Variants in WWOX observed in about 807,000 individuals in gnomAD.
WWOX encodes WW domain-containing oxidoreductase.
Under a neutral mutation model 46.2 loss-of-function variants are expected in WWOX, and 69 were observed. That is an observed-to-expected ratio of 1.49 (90% CI 1.23 to 1.82). WWOX has a LOEUF of 1.82. Among genes scored for constraint, WWOX ranks in the 40% most tolerant of loss-of-function variants. WWOX has a pLI of 0.00. For synonymous variants in WWOX, 359 were observed against 202.6 expected, an observed-to-expected ratio of 1.77 and a Z score of -6.56; for missense variants, 919 against 542.6, an observed-to-expected ratio of 1.69 and a Z score of -6.89.
At chr16:78,118,303 TA>T (rs1014967289) in intron 4 of WWOX, among the ~76,000 whole-genome samples, 3 of 151,956 alleles carry the variant, frequency 2.0e-5, no homozygotes, top group Non-Finnish European at 2.9e-5. Flanking sequence ...TTAATTCATC[TA>T]AAAAAAATCA....
In WWOX at chr16:78,293,978, G is replaced by GAAAAAAAAAAAAA. The variant is rs35079271; in HGVS notation, c.517-92862_517-92850dup. On this transcript the variant is annotated intron_variant, in intron 5 of 8. Coordinates refer to ENST00000566780, the MANE Select transcript of WWOX (RefSeq NM_016373.4). ...GGCGACAGAGTGAGACTCTGTCTCA[G>GAAAAAAAAAAAAA]AAAAAAAAAAAAAAAAAAAAAAAAA... Among the ~76,000 whole-genome samples, 231 of 30,296 alleles carry GAAAAAAAAAAAAA rather than the reference G, an allele frequency of 7.6e-3. 9 individuals carry two copies. Among genetic ancestry groups the GAAAAAAAAAAAAA allele is most frequent in the Non-Finnish European group, 0.014 (203 of 14,956 alleles). 19.9% of individuals were successfully genotyped at this position (30,296 alleles called of 152,430 possible).
At chr16:78,731,031 C>A (rs1023443794) in intron 8 of WWOX, among the ~76,000 whole-genome samples, 16 of 152,130 alleles carry the variant, frequency 1.1e-4, no homozygotes, top group African/African-American at 3.1e-4. Context: ...ACCGTACTAT[C>A]CAACACATTA....
intron 8 of WWOX, among the ~76,000 whole-genome samples, chr16:78,864,421 C>G (rs897259019): frequency 6.6e-6 from 1 of 152,098 alleles, no homozygotes; most frequent in Non-Finnish European, 1.5e-5. Flanking sequence ...GCGCATGCCA[C>G]CACACCCAGC....
chr16:78,385,324 G>C (rs1002772433), intron 5 of WWOX, among the ~76,000 whole-genome samples: 2 of 152,120 alleles, frequency 1.3e-5, no homozygotes, highest in Non-Finnish European at 1.5e-5. Context: ...TTATTGCCAA[G>C]TGGCATCGGG....
chr16:79,181,736 G>C (rs188990324), intron 8 of WWOX, among the ~76,000 whole-genome samples: 1 of 152,192 alleles, frequency 6.6e-6, no homozygotes, highest in East Asian at 1.9e-4. Context: ...TGGAGTTCTA[G>C]AAGTGGAATT....
chr16:79,193,989 A>T (rs1382034330), intron 8 of WWOX, among the ~76,000 whole-genome samples: 1 of 151,206 alleles, frequency 6.6e-6, no homozygotes, highest in Non-Finnish European at 1.5e-5. Flanking sequence ...ATGTTGCTGG[A>T]CCTCTCTTTG....
intron 8 of WWOX, among the ~76,000 whole-genome samples, chr16:79,068,793 A>G (rs1381819398): frequency 6.6e-6 from 1 of 150,406 alleles, no homozygotes; most frequent in Non-Finnish European, 1.5e-5. Flanking sequence ...CCTGAGCTAT[A>G]GAGCCAGAAC....
At chr16:78,924,659 A>G (rs926361962) in intron 8 of WWOX, among the ~76,000 whole-genome samples, 2 of 152,214 alleles carry the variant, frequency 1.3e-5, no homozygotes, top group African/African-American at 2.4e-5. Flanking sequence ...ACGATTATCC[A>G]TTCAACATTT....
chr16:78,799,240 T>A (rs368909598), intron 8 of WWOX, among the ~76,000 whole-genome samples: 1 of 152,204 alleles, frequency 6.6e-6, no homozygotes, highest in Non-Finnish European at 1.5e-5. Context: ...GGAGTTAGGC[T>A]TGTGTCTTGC....
chr16:78,486,962 C>T lies in WWOX; in HGVS notation c.1056+54210C>T, dbSNP rs151297564. Among the ~76,000 whole-genome samples the T allele has an allele frequency of 1.5e-4, 23 of 152,308 alleles. 1 individual carries two copies. The highest frequency in any genetic ancestry group is 5.1e-4 in the African/African-American group (21 of 41,570). On this transcript the variant is annotated intron_variant, in intron 8 of 8. Coordinates refer to ENST00000566780, the MANE Select transcript of WWOX (RefSeq NM_016373.4). ...GCTCATTCCTAACAGGGCATCCCTG[C>T]ACAATTTTCCGCTGGGGTGTGATGA...
chr16:78,427,720 G>T (rs1057473993), intron 7 of WWOX, among the ~76,000 whole-genome samples: 20 of 152,194 alleles, frequency 1.3e-4, no homozygotes, highest in African/African-American at 4.1e-4. Context: ...TGAGGTTGCG[G>T]TAAGCGTTGA....
intron 8 of WWOX, among the ~76,000 whole-genome samples, chr16:79,009,530 C>G (rs376017119): frequency 2.6e-5 from 4 of 151,802 alleles, no homozygotes; most frequent in African/African-American, 9.7e-5. Flanking sequence ...TGTAGTGGTG[C>G]GATCTCGGCT....
intron 8 of WWOX, among the ~76,000 whole-genome samples, chr16:79,174,198 C>T (rs1404152112): frequency 1.3e-5 from 2 of 152,232 alleles, no homozygotes; most frequent in African/African-American, 4.8e-5. Flanking sequence ...AAGCTTCCCT[C>T]AGCCCAGTTT....
At chr16:78,641,172 C>G (rs563877736) in intron 8 of WWOX, among the ~76,000 whole-genome samples, 2 of 152,072 alleles carry the variant, frequency 1.3e-5, no homozygotes, top group Admixed American at 6.5e-5. Flanking sequence ...AAAATGACCC[C>G]CGTTGACAAC....
chr16:78,963,477 AAC>A (rs2046309771), intron 8 of WWOX, among the ~76,000 whole-genome samples: 1 of 152,188 alleles, frequency 6.6e-6, no homozygotes, highest in African/African-American at 2.4e-5. Flanking sequence ...CAGAAACAAA[AAC>A]AAATAAACAA....
At chr16:78,993,817 C>T (rs1021824994) in intron 8 of WWOX, among the ~76,000 whole-genome samples, 2 of 152,190 alleles carry the variant, frequency 1.3e-5, no homozygotes, top group African/African-American at 4.8e-5. Context: ...GGCATCGGAA[C>T]CTGCAAGAAG....
At chr16:78,621,346 C>T (rs1227385208) in intron 8 of WWOX, among the ~76,000 whole-genome samples, 1 of 152,066 alleles carries the variant, frequency 6.6e-6, no homozygotes, top group Non-Finnish European at 1.5e-5. Flanking sequence ...CCACCCAGTT[C>T]CTCCTAGTGG....
intron 8 of WWOX, among the ~76,000 whole-genome samples, chr16:78,806,859 C>T (rs949017154): frequency 1.3e-5 from 2 of 152,132 alleles, no homozygotes; most frequent in Non-Finnish European, 2.9e-5. Flanking sequence ...CAGTCTGCCA[C>T]ATAAGCAAAC....
chr16:78,648,035 G>A (rs1597392298), intron 8 of WWOX, among the ~76,000 whole-genome samples: 1 of 152,084 alleles, frequency 6.6e-6, no homozygotes, highest in South Asian at 2.1e-4. Context: ...CTCCCTATCT[G>A]TACCCCACAC....
Sources: allele counts gnomAD v4.1 joint callset (sites outside exome capture counted in the v4.1 genomes callset), GRCh38; gene constraint gnomAD v4.1.1; transcripts MANE v1.5; gene names NCBI Gene and HGNC (gene_info 2026-07-23, HGNC 2026-07-21).